The following MAN1A2 variants were observed in gnomAD, a reference collection of about 807,000 sequenced individuals.
MAN1A2 encodes the protein mannosyl-oligosaccharide 1,2-alpha-mannosidase IB.
In MAN1A2, 26 loss-of-function variants were observed where a neutral mutation model predicts 75.7. The ratio of observed to expected loss-of-function variants is 0.34; its 90% CI spans 0.25 to 0.48. The LOEUF (loss-of-function observed/expected upper bound fraction) is 0.48, where lower values mean the gene tolerates loss of function less well. Ranked by LOEUF, MAN1A2 falls within the 20% of genes least tolerant of loss-of-function variation. MAN1A2 has a pLI of 0.99. For synonymous variants in MAN1A2, 247 were observed against 264.6 expected, an observed-to-expected ratio of 0.93 and a Z score of 0.65; for missense variants, 562 against 775.5, an observed-to-expected ratio of 0.72 and a Z score of 3.27.
intron 8 of MAN1A2, among the ~76,000 whole-genome samples, chr1:117,491,421 G>T (rs959595845): frequency 2.0e-5 from 3 of 152,070 alleles, no homozygotes; most frequent in African/African-American, 7.2e-5. Flanking sequence ...GTTGATGGCA[G>T]AGTTTACTGA....
chr1:117,515,111 T>C (rs1450898412), intron 12 of MAN1A2: 1 of 221,402 alleles, frequency 4.5e-6, no homozygotes, highest in African/African-American at 2.3e-5. Flanking sequence ...GTACAAAGTA[T>C]ATATGCAGTT....
chr1:117,388,713 C>T (rs992462829), intron 1 of MAN1A2, among the ~76,000 whole-genome samples: 2 of 152,132 alleles, frequency 1.3e-5, no homozygotes, highest in African/African-American at 4.8e-5. Flanking sequence ...GATTACAATT[C>T]AACATGAGAT....
At chr1:117,487,377 G>A (rs1001207208) in intron 8 of MAN1A2, among the ~76,000 whole-genome samples, 2 of 151,962 alleles carry the variant, frequency 1.3e-5, no homozygotes, top group Non-Finnish European at 2.9e-5. Flanking sequence ...GGAGGGAGGG[G>A]TGACTCAGTA....
intron 5 of MAN1A2, among the ~76,000 whole-genome samples, chr1:117,422,118 C>G (rs1339126839): frequency 6.6e-6 from 1 of 152,040 alleles, no homozygotes; most frequent in Admixed American, 6.5e-5. Context: ...TGAGTTTTTA[C>G]AGTGCATAGT....
chr1:117,370,683 A>G (rs187867072), intron 1 of MAN1A2, among the ~76,000 whole-genome samples: 59 of 151,954 alleles, frequency 3.9e-4, no homozygotes, highest in Admixed American at 8.5e-4. Flanking sequence ...TATTTTGGGT[A>G]TGGGTCAGAA....
rs990413876 is a variant in MAN1A2, at chr1:117,526,947, A to G, written c.*3990A>G. On this transcript the variant is annotated 3_prime_UTR_variant, in exon 13 of 13. Transcript: ENST00000356554. ...AGATATATGAGAGATCAAGATCTATATATGTATATAAATACAATTATACAC... is the reference window on the plus strand; with the variant it reads ...AGATATATGAGAGATCAAGATCTATGTATGTATATAAATACAATTATACAC... The G allele has an allele frequency of 2.1e-5, 3 of 145,624 alleles. No homozygotes were observed. Among genetic ancestry groups the G allele is most frequent in the Non-Finnish European group, 4.5e-5 (3 of 66,214 alleles). 9.0% of individuals were successfully genotyped at this position (145,624 alleles called of 1,614,324 possible). A position where few individuals can be genotyped will look rare whatever the true frequency, so the allele number is the denominator to read the frequency against.
At chr1:117,458,950 A>G (rs1049117194) in intron 6 of MAN1A2, among the ~76,000 whole-genome samples, 1 of 152,168 alleles carries the variant, frequency 6.6e-6, no homozygotes, top group African/African-American at 2.4e-5. Context: ...TCCAACCAGG[A>G]AATACTGTTT....
chr1:117,381,310 A>G (rs1311535439), intron 1 of MAN1A2, among the ~76,000 whole-genome samples: 1 of 152,012 alleles, frequency 6.6e-6, no homozygotes, highest in African/African-American at 2.4e-5. Flanking sequence ...AGCATTAGGT[A>G]TATCTCCTAA....
At position 117,496,911 on chromosome 1, in the gene MAN1A2, A is replaced by T; in HGVS notation, c.1433A>T (p.Asp478Val). Reference sequence around the variant, plus strand: ...CTAGGAGCAGATGGTTCCAGAGCAGATAAAGCTGGTCATTATTTAGAGCTA... The same window carrying T: ...CTAGGAGCAGATGGTTCCAGAGCAGTTAAAGCTGGTCATTATTTAGAGCTA... The part of the protein sequence containing the change: ...FALGADGSRA[D>V]KAGHYLELGA... The change falls in exon 10 of 13, where the codon GAT becomes GTT. Residue 478 changes from aspartate to valine, a missense_variant. Around this residue, in one of 2 missense-constraint regions of MAN1A2, gnomAD observed 434 missense variants for 645.7 expected, o/e 0.67. Transcript: ENST00000356554. The T allele has an allele frequency of 6.2e-7, 1 of 1,612,684 alleles. No individual in the cohort carries two copies. The highest frequency in any genetic ancestry group is 8.5e-7 in the Non-Finnish European group (1 of 1,179,190).
chr1:117,492,395 T>G (rs1322331643), intron 8 of MAN1A2, among the ~76,000 whole-genome samples: 2 of 152,122 alleles, frequency 1.3e-5, no homozygotes, highest in Non-Finnish European at 2.9e-5. Context: ...TTTTTAGCAA[T>G]AAAGTATTTT....
At chr1:117,504,311 C>A (rs1651285260) in intron 12 of MAN1A2, among the ~76,000 whole-genome samples, 1 of 142,368 alleles carries the variant, frequency 7.0e-6, no homozygotes, top group African/African-American at 2.5e-5. Flanking sequence ...TAGTATCTCT[C>A]CTGTTTTTTT....
chr1:117,381,968 G>A (rs1169066838), intron 1 of MAN1A2, among the ~76,000 whole-genome samples: 1 of 151,446 alleles, frequency 6.6e-6, no homozygotes, highest in Non-Finnish European at 1.5e-5. Flanking sequence ...GTGTCTTTTG[G>A]CTGCATAAAT....
intron 7 of MAN1A2, among the ~76,000 whole-genome samples, chr1:117,464,510 C>T (rs915582368): frequency 1.3e-5 from 2 of 152,034 alleles, no homozygotes; most frequent in Non-Finnish European, 2.9e-5. Context: ...ATGTTTGGGT[C>T]TGCAGACTGA....
chr1:117,407,401 TA>T (rs1251615723), intron 3 of MAN1A2, among the ~76,000 whole-genome samples: 2 of 152,142 alleles, frequency 1.3e-5, no homozygotes, highest in South Asian at 2.1e-4. Context: ...TTTTCTTTTT[TA>T]AAAAAACAGT....
At chr1:117,472,134 T>C (rs905753709) in intron 8 of MAN1A2, among the ~76,000 whole-genome samples, 1 of 151,956 alleles carries the variant, frequency 6.6e-6, no homozygotes, top group African/African-American at 2.4e-5. Context: ...TGACTATTTC[T>C]GAAATATTCG....
At chr1:117,517,204 A>G (rs1461333857) in intron 12 of MAN1A2, among the ~76,000 whole-genome samples, 1 of 152,118 alleles carries the variant, frequency 6.6e-6, no homozygotes, top group South Asian at 2.1e-4. Flanking sequence ...CCTGAACAAA[A>G]CTCAAGGTTT....
intron 6 of MAN1A2, among the ~76,000 whole-genome samples, chr1:117,445,938 A>G (rs1649222506): frequency 6.8e-6 from 1 of 146,698 alleles, no homozygotes; most frequent in Non-Finnish European, 1.5e-5. Context: ...ATAAAAGAAA[A>G]TTTATATATA....
intron 12 of MAN1A2, among the ~76,000 whole-genome samples, chr1:117,521,279 C>T (rs1470903126): frequency 6.6e-6 from 1 of 151,966 alleles, no homozygotes; most frequent in African/African-American, 2.4e-5. Context: ...AACCCAAAAG[C>T]AAATGCAACA....
At chr1:117,482,746 T>G (rs987694344) in intron 8 of MAN1A2, among the ~76,000 whole-genome samples, 1 of 152,126 alleles carries the variant, frequency 6.6e-6, no homozygotes, top group African/African-American at 2.4e-5. Flanking sequence ...TTAGTTTAAT[T>G]AGATCCCATT....
Sources: gnomAD v4.1 joint callset for allele counts (sites outside exome capture counted in the v4.1 genomes callset) on GRCh38, gnomAD v4.1.1 for gene constraint, gnomAD v4.1.1 regional missense constraint, MANE v1.5 for transcripts, NCBI Gene and HGNC (gene_info 2026-07-23, HGNC 2026-07-21) for gene names.